Variants in GRM8 observed in about 807,000 individuals in gnomAD.
GRM8 encodes metabotropic glutamate receptor 8.
Under a neutral mutation model 87.2 loss-of-function variants are expected in GRM8, and 47 were observed. The observed-to-expected ratio is 0.54, with a 90% confidence interval of 0.43 to 0.69. The LOEUF is 0.69. Ranked by LOEUF, GRM8 falls within the 30% of genes least tolerant of loss-of-function variation. The probability of loss-of-function intolerance (pLI) is 0.00; values close to 1 mark genes in which losing one functional copy is unlikely to be tolerated. For synonymous variants in GRM8, 396 were observed against 404.5 expected (o/e 0.98, Z 0.25); for missense variants, 1,019 against 1,139.2 (o/e 0.89, Z 1.52).
At chr7:126,874,230 T>C (rs754254430) in intron 6 of GRM8, among the ~76,000 whole-genome samples, 77 of 152,176 alleles carry the variant, frequency 5.1e-4, no homozygotes, top group Middle Eastern at 6.8e-3. Flanking sequence ...GCATTCTCAA[T>C]GATTATAAAG....
intron 3 of GRM8, among the ~76,000 whole-genome samples, chr7:127,089,088 T>C (rs1823799586): frequency 6.6e-6 from 1 of 152,180 alleles, no homozygotes; most frequent in Non-Finnish European, 1.5e-5. Context: ...CAAACATAAC[T>C]GCAGTAGGGA....
intron 6 of GRM8, among the ~76,000 whole-genome samples, chr7:126,821,003 G>C (rs1404819679): frequency 1.3e-5 from 2 of 152,200 alleles, no homozygotes; most frequent in Non-Finnish European, 2.9e-5. Flanking sequence ...TCAGGAGGCT[G>C]AGGCAGAAGA....
At chr7:126,532,764 G>GATAGATAT (rs1815025907) in intron 9 of GRM8, among the ~76,000 whole-genome samples, 188 bp downstream of exon 9, 1 of 110,982 alleles carries the variant, frequency 9.0e-6, no homozygotes, top group African/African-American at 3.3e-5. Context: ...GACGGATGGA[G>GATAGATAT]ATATATATAT....
intron 2 of GRM8, among the ~76,000 whole-genome samples, chr7:127,196,791 C>T (rs1795300716): frequency 1.3e-5 from 2 of 152,184 alleles, no homozygotes; most frequent in South Asian, 2.1e-4. Context: ...TTCTCTGTGC[C>T]TCAGTTTCCT....
At chr7:126,975,266 C>G (rs1190946926) in intron 3 of GRM8, among the ~76,000 whole-genome samples, 2 of 152,096 alleles carry the variant, frequency 1.3e-5, no homozygotes, top group Non-Finnish European at 2.9e-5. Context: ...GAGAGTATAG[C>G]ACAGTTAGAA....
At chr7:126,464,972 A>G (rs1804323361) in intron 9 of GRM8, among the ~76,000 whole-genome samples, 1 of 151,754 alleles carries the variant, frequency 6.6e-6, no homozygotes, top group Non-Finnish European at 1.5e-5. Flanking sequence ...TTTTCTGTGT[A>G]CTTAATAATA....
intron 3 of GRM8, among the ~76,000 whole-genome samples, chr7:126,982,820 G>A (rs553249491): frequency 4.6e-5 from 7 of 152,194 alleles, no homozygotes; most frequent in African/African-American, 1.7e-4. Context: ...ACCTCAGCAG[G>A]TCATGGTTTT....
chr7:126,670,629 C>A (rs1410806318), intron 7 of GRM8, among the ~76,000 whole-genome samples: 1 of 152,062 alleles, frequency 6.6e-6, no homozygotes, highest in Non-Finnish European at 1.5e-5. Flanking sequence ...CAAATACAGG[C>A]TTCTGATAAC....
At chr7:126,743,673 A>G (rs570322785) in intron 7 of GRM8, among the ~76,000 whole-genome samples, 15 of 152,228 alleles carry the variant, frequency 9.9e-5, no homozygotes, top group Non-Finnish European at 1.0e-4. Flanking sequence ...TTGCTTCTCT[A>G]ACAGTATACG....
At chr7:127,099,024 A>G (rs766438854) in intron 3 of GRM8, among the ~76,000 whole-genome samples, 19 of 152,218 alleles carry the variant, frequency 1.2e-4, no homozygotes, top group Non-Finnish European at 2.6e-4. Flanking sequence ...AGTAGCATTA[A>G]CATTTATTAT....
intron 6 of GRM8, among the ~76,000 whole-genome samples, chr7:126,862,305 G>A (rs1490935994): frequency 6.6e-6 from 1 of 151,674 alleles, no homozygotes; most frequent in Non-Finnish European, 1.5e-5. Context: ...TGTAATAAAG[G>A]TACAAAAATA....
intron 2 of GRM8, among the ~76,000 whole-genome samples, chr7:127,163,744 A>G (rs1326536001): frequency 6.6e-6 from 1 of 152,210 alleles, no homozygotes; most frequent in Non-Finnish European, 1.5e-5. Context: ...TTTGGTAATC[A>G]TCAAAGTAAA....
At chr7:127,081,667 A>C (rs1355545342) in intron 3 of GRM8, among the ~76,000 whole-genome samples, 1 of 152,202 alleles carries the variant, frequency 6.6e-6, no homozygotes, top group Non-Finnish European at 1.5e-5. Flanking sequence ...ATGAATATGA[A>C]TGAGAGAGTG....
At chr7:126,845,238 C>A (rs534541158) in intron 6 of GRM8, among the ~76,000 whole-genome samples, 1 of 152,210 alleles carries the variant, frequency 6.6e-6, no homozygotes. Flanking sequence ...TTTATTCCTG[C>A]AACTTTATTA....
chr7:126,810,368 G>A (rs182025598), intron 6 of GRM8, among the ~76,000 whole-genome samples: 38 of 152,228 alleles, frequency 2.5e-4, no homozygotes, highest in Admixed American at 1.6e-3. Flanking sequence ...ATCTGGACAG[G>A]TTGAGGTTTA....
chr7:127,233,560 AAGCAAGAGTAAGACACTAG>A (rs1797817440), intron 2 of GRM8, among the ~76,000 whole-genome samples: 1 of 152,188 alleles, frequency 6.6e-6, no homozygotes, highest in African/African-American at 2.4e-5. Context: ...ATGTGAGAGG[AAGCAAGAGTAAGACACTAG>A]AGCAAGAATA....
intron 3 of GRM8, among the ~76,000 whole-genome samples, chr7:127,043,900 G>A (rs1818680310): frequency 6.6e-6 from 1 of 152,134 alleles, no homozygotes; most frequent in Non-Finnish European, 1.5e-5. Context: ...GGTTTCTAGA[G>A]ATTAGGGGGA....
At chr7:126,804,500 A>C (rs1792452252) in intron 6 of GRM8, among the ~76,000 whole-genome samples, 1 of 152,184 alleles carries the variant, frequency 6.6e-6, no homozygotes, top group African/African-American at 2.4e-5. Context: ...TCTGTGTGAA[A>C]AACCTGGCTT....
intron 3 of GRM8, among the ~76,000 whole-genome samples, chr7:127,061,357 C>CTAA (rs143532164): frequency 0.056 from 8,499 of 152,238 alleles, 284 homozygotes; most frequent in South Asian, 0.13. Context: ...CAATTATTAA[C>CTAA]TAATACAAAC....
Sources: allele counts gnomAD v4.1 joint callset (sites outside exome capture counted in the v4.1 genomes callset), GRCh38; gene constraint gnomAD v4.1.1; transcripts MANE v1.5; gene names NCBI Gene and HGNC (gene_info 2026-07-23, HGNC 2026-07-21).